The following BABAM2 variants were observed in gnomAD, a reference collection of about 807,000 sequenced individuals.
BABAM2 encodes the protein BRISC and BRCA1-A complex member 2.
BABAM2 carries 31 observed loss-of-function variants against 54.7 expected under a neutral mutation model. That is an observed-to-expected ratio of 0.57 (90% CI 0.43 to 0.77). The LOEUF (loss-of-function observed/expected upper bound fraction) is 0.77. BABAM2 is among the 30% of genes least tolerant of loss of function. The probability of loss-of-function intolerance (pLI) is 0.00; values close to 1 mark genes in which losing one functional copy is unlikely to be tolerated. For synonymous variants in BABAM2, 167 were observed against 162.9 expected (o/e 1.03, Z -0.19); for missense variants, 364 against 455.8 (o/e 0.80, Z 1.83).
intron 5 of BABAM2, among the ~76,000 whole-genome samples, chr2:28,033,496 G>A (rs538948109): frequency 2.6e-5 from 4 of 152,232 alleles, no homozygotes; most frequent in South Asian, 2.1e-4. Flanking sequence ...ATCACATGGC[G>A]AGAGGGCTAA....
At chr2:28,142,797 C>A (rs7575930) in intron 7 of BABAM2, among the ~76,000 whole-genome samples, 1 of 151,736 alleles carries the variant, frequency 6.6e-6, no homozygotes, top group Non-Finnish European at 1.5e-5. Flanking sequence ...ATTTTGAGAG[C>A]TTTTAAGGAT....
At chr2:28,164,120 A>G (rs1673388626) in intron 7 of BABAM2, among the ~76,000 whole-genome samples, 1 of 152,254 alleles carries the variant, frequency 6.6e-6, no homozygotes, top group Non-Finnish European at 1.5e-5. Flanking sequence ...GGATGGAAAG[A>G]CAGTGCTAAT....
At chr2:28,337,796 G>A (rs1380359877) in intron 11 of BABAM2, among the ~76,000 whole-genome samples, 1 of 152,204 alleles carries the variant, frequency 6.6e-6, no homozygotes, top group Non-Finnish European at 1.5e-5. Context: ...ACCAGTCTGG[G>A]TAATGTAGCA....
At chr2:28,210,053 T>G (rs1679301153) in intron 7 of BABAM2, among the ~76,000 whole-genome samples, 1 of 152,212 alleles carries the variant, frequency 6.6e-6, no homozygotes, top group South Asian at 2.1e-4. Context: ...CTTTTTGCAC[T>G]TCCTTCCTTG....
chr2:28,174,188 T>C (rs1420362025), intron 7 of BABAM2, among the ~76,000 whole-genome samples: 1 of 152,230 alleles, frequency 6.6e-6, no homozygotes, highest in Non-Finnish European at 1.5e-5. Context: ...ATCATAAATG[T>C]AGCTTTCTGT....
At chr2:28,202,987 A>G (rs537633487) in intron 7 of BABAM2, among the ~76,000 whole-genome samples, 3 of 152,240 alleles carry the variant, frequency 2.0e-5, no homozygotes, top group South Asian at 4.1e-4. Flanking sequence ...ATGCTTTCCT[A>G]TTGATGAATC....
chr2:28,000,561 C>G (rs531884085), intron 4 of BABAM2, among the ~76,000 whole-genome samples: 2 of 152,214 alleles, frequency 1.3e-5, no homozygotes, highest in South Asian at 2.1e-4. Flanking sequence ...CTTTCTTTCC[C>G]CCTTTTATCC....
chr2:28,031,319 A>G (rs1408003421), intron 5 of BABAM2, among the ~76,000 whole-genome samples: 1 of 151,972 alleles, frequency 6.6e-6, no homozygotes, highest in East Asian at 1.9e-4. Flanking sequence ...TTTTCCTTTG[A>G]CCCCGTCTTG....
rs4043353 is a variant in BABAM2 at position 28,208,029 on chromosome 2, C to CTGTGTG, written c.681-29141_681-29136dup. On this transcript the variant is annotated intron_variant, in intron 7 of 11. Coordinates refer to ENST00000379624, the MANE Select transcript of BABAM2 (RefSeq NM_199191.3). ...TTGTGAGGGAGGAGGGTGTTAAAGG[C>CTGTGTG]TGTGTGTGTGTGTGTGTGTGTGTGT... is the stretch of plus-strand genomic sequence containing the variant. Among the ~76,000 whole-genome samples, 325 of 149,824 alleles carry CTGTGTG rather than the reference C, an allele frequency of 2.2e-3. 2 individuals carry two copies. The highest frequency in any genetic ancestry group is 7.4e-3 in the African/African-American group (301 of 40,928).
chr2:28,210,198 C>G (rs1451555480), intron 7 of BABAM2, among the ~76,000 whole-genome samples: 1 of 152,172 alleles, frequency 6.6e-6, no homozygotes, highest in South Asian at 2.1e-4. Flanking sequence ...GGTTCTCCTC[C>G]CTGCTTTCCT....
At chr2:27,902,850 A>G (rs1038707411) in intron 2 of BABAM2, among the ~76,000 whole-genome samples, 1 of 151,874 alleles carries the variant, frequency 6.6e-6, no homozygotes, top group Non-Finnish European at 1.5e-5. Flanking sequence ...GTTATATTCT[A>G]CAGTATTTTC....
chr2:27,903,049 A>G (rs1665921863), intron 2 of BABAM2, among the ~76,000 whole-genome samples: 1 of 151,750 alleles, frequency 6.6e-6, no homozygotes, highest in Non-Finnish European at 1.5e-5. Flanking sequence ...ATGGGAATTT[A>G]TTTTTTCTGT....
intron 7 of BABAM2, among the ~76,000 whole-genome samples, chr2:28,146,966 A>G (rs1232616585): frequency 6.6e-6 from 1 of 152,238 alleles, no homozygotes; most frequent in Non-Finnish European, 1.5e-5. Flanking sequence ...AGAAGAGAGT[A>G]GGGTCTGGAG....
chr2:27,921,959 T>C (rs1220439085), intron 2 of BABAM2, among the ~76,000 whole-genome samples: 1 of 152,186 alleles, frequency 6.6e-6, no homozygotes, highest in East Asian at 1.9e-4. Context: ...AGTACAACAC[T>C]AGGAGTCAAG....
At chr2:28,271,908 T>G (rs1167546228) in intron 10 of BABAM2, among the ~76,000 whole-genome samples, 4 of 152,224 alleles carry the variant, frequency 2.6e-5, no homozygotes, top group African/African-American at 9.6e-5. Context: ...ACTCCGTCAG[T>G]TCTAGGCACA....
At chr2:28,128,357 A>G (rs1318594184) in intron 6 of BABAM2, among the ~76,000 whole-genome samples, 1 of 152,264 alleles carries the variant, frequency 6.6e-6, no homozygotes, top group Non-Finnish European at 1.5e-5. Flanking sequence ...AAAATTTGGT[A>G]TTCACAAATT....
chr2:27,916,548 A>G (rs1666982497), intron 2 of BABAM2, among the ~76,000 whole-genome samples: 1 of 152,180 alleles, frequency 6.6e-6, no homozygotes, highest in South Asian at 2.1e-4. Context: ...GTATTTATGA[A>G]ATAGCTTTCA....
chr2:28,155,939 T>C (rs6717690), intron 7 of BABAM2, among the ~76,000 whole-genome samples: 152,124 of 152,278 alleles, frequency 1, 75,985 homozygotes, highest in Middle Eastern at 1. Flanking sequence ...CATGAGGTAC[T>C]TACATTTTAG....
At chr2:28,107,259 A>G (rs1424112687) in intron 6 of BABAM2, among the ~76,000 whole-genome samples, 2 of 152,096 alleles carry the variant, frequency 1.3e-5, no homozygotes, top group African/African-American at 4.8e-5. Context: ...CTCTTCCACC[A>G]TGCATTCAAC....
Sources: allele counts gnomAD v4.1 joint callset (sites outside exome capture counted in the v4.1 genomes callset), GRCh38; gene constraint gnomAD v4.1.1; transcripts MANE v1.5; gene names NCBI Gene and HGNC (gene_info 2026-07-23, HGNC 2026-07-21).